TMTC2: variants seen among roughly 807,000 people sequenced by gnomAD.
The protein encoded by TMTC2 is transmembrane O-mannosyltransferase targeting cadherins 2.
TMTC2 carries 43 observed loss-of-function variants against 82.4 expected under a neutral mutation model. That is an observed-to-expected ratio of 0.52 (90% CI 0.41 to 0.67). The LOEUF is 0.67. TMTC2 is among the 30% of genes least tolerant of loss of function. The probability of loss-of-function intolerance (pLI) is 0.00; values close to 1 mark genes in which losing one functional copy is unlikely to be tolerated. For synonymous variants in TMTC2, 408 were observed against 381.9 expected (o/e 1.07, Z -0.80); for missense variants, 919 against 1,012.4 (o/e 0.91, Z 1.25).
At chr12:82,735,547 G>A (rs533692623) in intron 1 of TMTC2, among the ~76,000 whole-genome samples, 15 of 151,942 alleles carry the variant, frequency 9.9e-5, no homozygotes, top group East Asian at 5.9e-4. Flanking sequence ...AAGTTTCACT[G>A]TGTTAGCCAG....
chr12:82,932,198 G>A (rs990500720), intron 4 of TMTC2, among the ~76,000 whole-genome samples: 1 of 152,162 alleles, frequency 6.6e-6, no homozygotes, highest in African/African-American at 2.4e-5. Flanking sequence ...AGGGAAAGCA[G>A]ACAGGATGAG....
At chr12:82,746,183 A>G (rs183736299) in intron 1 of TMTC2, among the ~76,000 whole-genome samples, 5 of 152,362 alleles carry the variant, frequency 3.3e-5, no homozygotes, top group Admixed American at 2.6e-4. Context: ...TAAGAACTGC[A>G]TGTATATTCA....
chr12:82,795,131 C>A (rs1238508435), intron 1 of TMTC2, among the ~76,000 whole-genome samples: 2 of 151,592 alleles, frequency 1.3e-5, no homozygotes, highest in Non-Finnish European at 2.9e-5. Context: ...ATGGTGAAAC[C>A]CCATATCTAC....
chr12:82,808,324 T>G (rs181709889), intron 1 of TMTC2, among the ~76,000 whole-genome samples: 7 of 148,060 alleles, frequency 4.7e-5, no homozygotes, highest in African/African-American at 1.5e-4. Context: ...TTGTTATGCT[T>G]GCTTAAAAAA....
chr12:82,719,132 C>T (rs1442608148), intron 1 of TMTC2, among the ~76,000 whole-genome samples: 2 of 105,564 alleles, frequency 1.9e-5, no homozygotes, highest in African/African-American at 3.7e-5. Flanking sequence ...CTCGTTCTGT[C>T]ACCCAGGCTA....
chr12:82,859,283 G>A (rs916089841), intron 2 of TMTC2, among the ~76,000 whole-genome samples: 4 of 152,096 alleles, frequency 2.6e-5, no homozygotes, highest in African/African-American at 9.7e-5. Flanking sequence ...GGCCAGGATG[G>A]TCTCGATCTC....
At chr12:82,886,061 G>A (rs1873083113) in intron 2 of TMTC2, among the ~76,000 whole-genome samples, 1 of 152,028 alleles carries the variant, frequency 6.6e-6, no homozygotes, top group South Asian at 2.1e-4. Context: ...TATACTTTGG[G>A]TTATAATCCA....
chr12:82,879,594 A>T (rs1872733175), intron 2 of TMTC2, among the ~76,000 whole-genome samples: 1 of 152,208 alleles, frequency 6.6e-6, no homozygotes. Flanking sequence ...TGGAGACCGC[A>T]GGTTTACAGC....
chr12:82,997,219 C>A (rs1044729610), intron 8 of TMTC2, among the ~76,000 whole-genome samples: 8 of 127,528 alleles, frequency 6.3e-5, no homozygotes, highest in African/African-American at 2.6e-4. Context: ...CTCTCTCTCT[C>A]TCTATATATA....
At chr12:82,828,441 C>T (rs563660980) in intron 1 of TMTC2, among the ~76,000 whole-genome samples, 168 of 152,246 alleles carry the variant, frequency 1.1e-3, no homozygotes, top group African/African-American at 3.9e-3. Context: ...CTCAAGCGAT[C>T]TGCCCACCTC....
intron 1 of TMTC2, among the ~76,000 whole-genome samples, chr12:82,770,420 A>G (rs899597586): frequency 6.6e-6 from 1 of 152,138 alleles, no homozygotes; most frequent in Non-Finnish European, 1.5e-5. Flanking sequence ...ATAGTTCAGT[A>G]GGATTTTTCC....
At chr12:82,827,843 GCCTGCCAC>G (rs1205228866) in intron 1 of TMTC2, among the ~76,000 whole-genome samples, 2 of 151,490 alleles carry the variant, frequency 1.3e-5, no homozygotes, top group East Asian at 3.9e-4. Context: ...GACTATGGAT[GCCTGCCAC>G]CATGTCCAGC....
At chr12:82,832,383 T>A (rs1342465191) in intron 1 of TMTC2, among the ~76,000 whole-genome samples, 1 of 151,998 alleles carries the variant, frequency 6.6e-6, no homozygotes, top group African/African-American at 2.4e-5. Flanking sequence ...TTTTTAATTA[T>A]GTGTGTAATT....
intron 8 of TMTC2, among the ~76,000 whole-genome samples, chr12:83,028,763 T>C: frequency 6.6e-6 from 1 of 152,220 alleles, no homozygotes; most frequent in East Asian, 1.9e-4. Flanking sequence ...GCCTGATTTG[T>C]TACAGTTACT....
chr12:83,013,270 T>C (rs940163386), intron 8 of TMTC2, among the ~76,000 whole-genome samples: 2 of 152,202 alleles, frequency 1.3e-5, no homozygotes, highest in African/African-American at 2.4e-5. Context: ...TTATTATTAT[T>C]TTAAAACATC....
Position 82,941,433 on chromosome 12 carries a change from T to C in TMTC2, c.1598+10888T>C, listed in dbSNP as rs535265446. The stretch of plus-strand genomic sequence containing the variant: ...AAGCTAATGAGTTAAATCATGCATA[T>C]GTTGATTAATAACCTAATGGACTAA... On this transcript the variant is annotated intron_variant, in intron 4 of 11. Transcript: ENST00000321196. 3.0e-4 allele frequency among the ~76,000 whole-genome samples: 45 copies of C among 152,370 alleles called. 1 individual carries two copies. The highest frequency in any genetic ancestry group is 1.0e-3 in the African/African-American group (43 of 41,598).
intron 2 of TMTC2, among the ~76,000 whole-genome samples, chr12:82,885,523 C>A (rs1873051114): frequency 6.7e-6 from 1 of 148,296 alleles, no homozygotes; most frequent in Admixed American, 6.7e-5. Flanking sequence ...GTGTATGCCA[C>A]CATGTCTGGC....
intron 3 of TMTC2, among the ~76,000 whole-genome samples, chr12:82,928,957 A>G (rs1875869964): frequency 6.6e-6 from 1 of 152,204 alleles, no homozygotes; most frequent in Non-Finnish European, 1.5e-5. Context: ...TTATTTTTGT[A>G]AGAAATGCTT....
chr12:82,928,513 G>A (rs980092852), intron 3 of TMTC2, among the ~76,000 whole-genome samples: 1 of 152,038 alleles, frequency 6.6e-6, no homozygotes, highest in South Asian at 2.1e-4. Flanking sequence ...ACACTGTTTT[G>A]TCTTTTAATT....
Sources: gnomAD v4.1 joint callset for allele counts (sites outside exome capture counted in the v4.1 genomes callset) on GRCh38, gnomAD v4.1.1 for gene constraint, MANE v1.5 for transcripts, NCBI Gene and HGNC (gene_info 2026-07-23, HGNC 2026-07-21) for gene names.